Variants in PLA2G4C observed in about 807,000 individuals in gnomAD.
The protein encoded by PLA2G4C is cytosolic phospholipase A2 gamma.
Under a neutral mutation model 73.8 loss-of-function variants are expected in PLA2G4C, and 64 were observed. The observed-to-expected ratio is 0.87, with a 90% CI of 0.71 to 1.07. The LOEUF (loss-of-function observed/expected upper bound fraction) is 1.07. PLA2G4C is among the 50% of genes least tolerant of loss of function. PLA2G4C has a pLI of 0.00. For synonymous variants in PLA2G4C, 254 were observed against 252.1 expected (o/e 1.01, Z -0.07); for missense variants, 622 against 665.4 (o/e 0.93, Z 0.72).
Position 48,062,089 on chromosome 19 carries a change from GC to G in PLA2G4C, c.1165del (p.Ala389ProfsTer50). 6.2e-7 allele frequency: 1 copy of G among 1,612,478 alleles called. No individual in the cohort carries two copies. Among genetic ancestry groups the G allele is most frequent in the South Asian group, 1.1e-5 (1 of 90,878 alleles). ...CACGAGTGGGAAGGGAGTGTTGATG[GC>G]TAAACCAGCATCCACCAGGTGGAGG... ...KHLHLVDAGL[A>X]INTPFPLVLP... On this transcript the variant is annotated frameshift_variant, in exon 14 of 17. Transcript: ENST00000599921. LOFTEE classifies it high-confidence loss of function.
intron 1 of PLA2G4C, 22 bp downstream of exon 1, chr19:48,110,465 C>T: frequency 6.5e-7 from 1 of 1,534,560 alleles, no homozygotes; most frequent in Non-Finnish European, 8.8e-7. Flanking sequence ...ATGAAACAGC[C>T]CTCCCTGCCC....
rs184235294 is a variant in PLA2G4C, at chr19:48,072,074, A to T, written c.1006+2693T>A. Among the ~76,000 whole-genome samples the T allele has an allele frequency of 7.2e-5, 11 of 152,042 alleles. No homozygotes were observed. Among genetic ancestry groups the T allele is most frequent in the African/African-American group, 2.7e-4 (11 of 41,498 alleles). ...GGCAGGAGAATCGCTTGAACCCGGG[A>T]GGCAGAGGTTGCAGTGAGCCAAGAT... On this transcript the variant is annotated intron_variant, in intron 12 of 16. Transcript: ENST00000599921. The surrounding 1 kb of genome is among the most constrained non-coding windows in gnomAD (Gnocchi z 4.4).
At chr19:48,065,183 C>G (rs903030382) in intron 13 of PLA2G4C, among the ~76,000 whole-genome samples, 3 of 145,250 alleles carry the variant, frequency 2.1e-5, no homozygotes, top group African/African-American at 5.1e-5. Context: ...TATGAGACAT[C>G]AATCAAATAT....
chr19:48,058,876 A>G (rs1360152079), intron 14 of PLA2G4C, among the ~76,000 whole-genome samples: 3 of 152,094 alleles, frequency 2.0e-5, no homozygotes, highest in African/African-American at 4.8e-5. Context: ...TAGTTTCCTT[A>G]TAAGCCCCAT....
chr19:48,098,772 C>T (rs251678), intron 5 of PLA2G4C, among the ~76,000 whole-genome samples: 55,953 of 132,838 alleles, frequency 0.42, 11,787 homozygotes, highest in African/African-American at 0.52. Context: ...CCCAGTGGTG[C>T]GTGCCTGTAG....
chr19:48,067,935 G>A (rs761592142), intron 12 of PLA2G4C, 49 bp from the exon 13 acceptor site: 2 of 1,290,396 alleles, frequency 1.5e-6, no homozygotes, highest in East Asian at 2.3e-5. Context: ...AGACTGAGTG[G>A]TTTCTGCCCC....
At chr19:48,077,660 A>C (rs905742218) in intron 11 of PLA2G4C, 111 bp downstream of exon 11, 15 of 786,316 alleles carry the variant, frequency 1.9e-5, no homozygotes, top group Non-Finnish European at 3.0e-5. Flanking sequence ...TCCATTCCCA[A>C]AGGAGCACCA....
chr19:48,105,067 A>AGCGAGAC (rs1267307259), intron 3 of PLA2G4C, among the ~76,000 whole-genome samples: 56 of 132,482 alleles, frequency 4.2e-4, no homozygotes, highest in African/African-American at 1.5e-3. Context: ...TGGGTGACAG[A>AGCGAGAC]GCGAGACGTT....
chr19:48,064,845 C>T (rs986476377), intron 13 of PLA2G4C: 5 of 152,152 alleles, frequency 3.3e-5, no homozygotes, highest in East Asian at 1.9e-4. Flanking sequence ...GTCTGCAAAT[C>T]ACAGAGAGAG....
At chr19:48,101,126 A>ATATATTT (rs1491313107) in intron 4 of PLA2G4C, among the ~76,000 whole-genome samples, 1,025 of 74,068 alleles carry the variant, frequency 0.014, 11 homozygotes, top group Middle Eastern at 0.027. Flanking sequence ...ATATATATAT[A>ATATATTT]TTTTTTTTTT....
intron 16 of PLA2G4C, chr19:48,052,095 G>C (rs1424728660): frequency 6.6e-6 from 1 of 152,102 alleles, no homozygotes; most frequent in Non-Finnish European, 1.5e-5. Context: ...TGCCCAGGCA[G>C]ATCTTGAACT....
chr19:48,100,684 C>A (rs1197865405), intron 4 of PLA2G4C, among the ~76,000 whole-genome samples: 1 of 142,740 alleles, frequency 7.0e-6, no homozygotes, highest in Non-Finnish European at 1.5e-5. Context: ...CCAAGGTGTG[C>A]GGATCACGAG....
At chr19:48,109,649 T>G (rs971691408) in intron 1 of PLA2G4C, among the ~76,000 whole-genome samples, 5 of 151,782 alleles carry the variant, frequency 3.3e-5, no homozygotes, top group African/African-American at 1.2e-4. Flanking sequence ...GATTGGTTTA[T>G]TTTATTTTAT....
At chr19:48,110,278 G>A (rs1167733337) in intron 1 of PLA2G4C, among the ~76,000 whole-genome samples, 1 of 151,726 alleles carries the variant, frequency 6.6e-6, no homozygotes, top group Non-Finnish European at 1.5e-5. Flanking sequence ...CCCCGGAGGC[G>A]GAGCTTGCCG....
At chr19:48,077,530 T>C (rs1268775966) in intron 11 of PLA2G4C, among the ~76,000 whole-genome samples, 3 of 152,146 alleles carry the variant, frequency 2.0e-5, no homozygotes, top group African/African-American at 7.2e-5. Context: ...AAAAGCAATC[T>C]ACAAGTCCAG....
chr19:48,065,474 A>G (rs1968379477), intron 13 of PLA2G4C, among the ~76,000 whole-genome samples: 1 of 151,654 alleles, frequency 6.6e-6, no homozygotes, highest in African/African-American at 2.4e-5. Flanking sequence ...AAATCAGTTG[A>G]GCATGGTGAC....
At chr19:48,108,063 G>A (rs950708037) in intron 1 of PLA2G4C, among the ~76,000 whole-genome samples, 6 of 152,082 alleles carry the variant, frequency 3.9e-5, no homozygotes, top group African/African-American at 7.2e-5. Context: ...CTGCGTCTTG[G>A]TGGTAGTGGT....
intron 2 of PLA2G4C, 45 bp from the exon 3 acceptor site, chr19:48,105,489 A>G: frequency 1.4e-6 from 2 of 1,458,226 alleles, no homozygotes; most frequent in Non-Finnish European, 1.9e-6. Context: ...TTCACAGGGA[A>G]AAGGGATAAA....
chr19:48,077,794 T>C lies in PLA2G4C; in HGVS notation c.875A>G (p.Gln292Arg). 6.2e-7 allele frequency: 1 copy of C among 1,607,000 alleles called. No individual in the cohort carries two copies. Among genetic ancestry groups the C allele is most frequent in the South Asian group, 1.1e-5 (1 of 89,710 alleles). The change falls in exon 11 of 17, where the codon CAA becomes CGA. Residue 292 changes from glutamine (Q) to arginine (R), a missense_variant. Transcript: ENST00000599921. ...ACCTTCTGGGGGAGGATGTTCCCCT[T>C]GTGAACTTTCTTGCAGCCTCAGTAA... is the stretch of plus-strand genomic sequence containing the variant. ...ARLLRLQESS[Q>R]GEHPPPEDEG...
Sources: gnomAD v4.1 joint callset for allele counts (sites outside exome capture counted in the v4.1 genomes callset) on GRCh38, gnomAD v4.1.1 for gene constraint, Gnocchi (gnomAD v3.1) non-coding constraint, MANE v1.5 for transcripts, NCBI Gene and HGNC (gene_info 2026-07-23, HGNC 2026-07-21) for gene names.